The following GDAP1 variants were observed in gnomAD, a reference collection of about 807,000 sequenced individuals.
GDAP1 encodes the protein ganglioside induced differentiation associated protein 1, also known as ganglioside-induced differentiation-associated protein 1.
In GDAP1, 34 loss-of-function variants were observed where a neutral mutation model predicts 40.1. That is an observed-to-expected ratio of 0.85 (90% CI 0.64 to 1.13). The LOEUF (loss-of-function observed/expected upper bound fraction) is 1.13. Among genes scored for constraint, GDAP1 ranks in the 50% most tolerant of loss-of-function variants. GDAP1 has a pLI of 0.00. For synonymous variants in GDAP1, 170 were observed against 157.4 expected, an observed-to-expected ratio of 1.08 and a Z score of -0.60; for missense variants, 374 against 433.7, an observed-to-expected ratio of 0.86 and a Z score of 1.22.
At chr8:74,403,245 G>A (rs1017611527) in intron 2 of GDAP1, among the ~76,000 whole-genome samples, 2 of 149,914 alleles carry the variant, frequency 1.3e-5, no homozygotes, top group Non-Finnish European at 2.9e-5. Context: ...AATTGTTTAA[G>A]GTTTATTAGT....
At chr8:74,482,077 A>G (rs1177400202) in intron 2 of GDAP1, among the ~76,000 whole-genome samples, 3 of 130,310 alleles carry the variant, frequency 2.3e-5, no homozygotes, top group Admixed American at 8.1e-5. Context: ...TTTCTGTTAG[A>G]CTTCCCACAT....
At chr8:74,478,026 A>G (rs1443134411) in intron 2 of GDAP1, among the ~76,000 whole-genome samples, 1 of 150,604 alleles carries the variant, frequency 6.6e-6, no homozygotes, top group African/African-American at 2.5e-5. Context: ...AGTGGCAGTG[A>G]CTGTTCAGAG....
At chr8:74,396,076 A>G (rs1296727531) in intron 2 of GDAP1, among the ~76,000 whole-genome samples, 1 of 152,186 alleles carries the variant, frequency 6.6e-6, no homozygotes, top group Admixed American at 6.6e-5. Flanking sequence ...CTTACTGTGT[A>G]TCACAATCAA....
At position 74,360,191 on chromosome 8, in the gene GDAP1, A is replaced by G. The variant is rs757210850; in HGVS notation, c.365A>G (p.Gln122Arg). 3.7e-6 allele frequency: 6 copies of G among 1,612,902 alleles called. No individual in the cohort carries two copies. The highest frequency in any genetic ancestry group is 5.1e-6 in the Non-Finnish European group (6 of 1,178,952). The change falls in exon 3 of 6, where the codon CAA becomes CGA. Residue 122 changes from glutamine (Q) to arginine (R), a missense_variant. Coordinates refer to ENST00000220822, the MANE Select transcript of GDAP1 (RefSeq NM_018972.4). Reference sequence around the variant, plus strand: ...GAAAGCATGTATTACCCACGGGTACAACATTACCGAGAGCTGCTTGACTCC... The same window carrying G: ...GAAAGCATGTATTACCCACGGGTACGACATTACCGAGAGCTGCTTGACTCC... ...DKESMYYPRV[Q>R]HYRELLDSLP...
intron 2 of GDAP1, among the ~76,000 whole-genome samples, chr8:74,459,606 G>A (rs1241262383): frequency 6.6e-6 from 1 of 151,902 alleles, no homozygotes; most frequent in Non-Finnish European, 1.5e-5. Context: ...TACTATTTAG[G>A]GACTTTAAGC....
chr8:74,455,530 T>A (rs1215901844), intron 2 of GDAP1, among the ~76,000 whole-genome samples: 2 of 152,116 alleles, frequency 1.3e-5, no homozygotes, highest in Admixed American at 1.3e-4. Context: ...TTTCATTCAT[T>A]TAACACATAA....
At chr8:74,454,848 G>A (rs1806316541) in intron 2 of GDAP1, among the ~76,000 whole-genome samples, 1 of 151,224 alleles carries the variant, frequency 6.6e-6, no homozygotes, top group South Asian at 2.1e-4. Flanking sequence ...AAAAGAAGCT[G>A]GGATAGACAT....
At chr8:74,396,720 G>A (rs1255098097) in intron 2 of GDAP1, among the ~76,000 whole-genome samples, 1 of 152,184 alleles carries the variant, frequency 6.6e-6, no homozygotes, top group African/African-American at 2.4e-5. Context: ...ATTCCATGGT[G>A]TATATGTGCC....
intron 2 of GDAP1, among the ~76,000 whole-genome samples, chr8:74,400,470 G>A (rs1320221670): frequency 1.3e-5 from 2 of 149,650 alleles, no homozygotes; most frequent in African/African-American, 2.6e-5. Context: ...TGGGTTTCCT[G>A]AATACAGCAC....
At position 74,366,314 on chromosome 8, in the gene GDAP1, T is replaced by C. The variant is rs1317071972; in HGVS notation, c.*1947T>C. 1 of 454,528 alleles carries C rather than the reference T, an allele frequency of 2.2e-6. No individual in the cohort carries two copies. The highest frequency in any genetic ancestry group is 2.0e-5 in the African/African-American group (1 of 50,134). The allele number at this position is 454,528 out of a possible 1,614,324, so 28.2% of individuals were successfully genotyped here. On this transcript the variant is annotated 3_prime_UTR_variant, in exon 6 of 6. Transcript: ENST00000220822. ...TCGCTGTTTATCCAGTAGACTAAGA[T>C]TGAGTGTTCTTTTTGTTCAGCAACT...
intron 2 of GDAP1, among the ~76,000 whole-genome samples, chr8:74,391,121 G>T (rs1278517155): frequency 6.6e-6 from 1 of 152,084 alleles, no homozygotes. Context: ...GGGCTCCATG[G>T]GGGTGGGATC....
At chr8:74,407,406 A>T (rs565869640) in intron 2 of GDAP1, among the ~76,000 whole-genome samples, 4 of 149,914 alleles carry the variant, frequency 2.7e-5, no homozygotes, top group Non-Finnish European at 5.9e-5. Flanking sequence ...CGTGGGTACC[A>T]TCTAACTGGC....
intron 2 of GDAP1, among the ~76,000 whole-genome samples, chr8:74,433,066 C>G (rs1045463446): frequency 6.6e-6 from 1 of 152,126 alleles, no homozygotes; most frequent in Non-Finnish European, 1.5e-5. Flanking sequence ...AATCAGCTGT[C>G]CCATTTGTCT....
intron 2 of GDAP1, among the ~76,000 whole-genome samples, chr8:74,353,135 T>A (rs999839825): frequency 6.6e-6 from 1 of 152,242 alleles, no homozygotes; most frequent in Non-Finnish European, 1.5e-5. Flanking sequence ...AAATAAGTTC[T>A]GTGTCCTGCT....
Position 74,366,146 on chromosome 8 carries a change from G to T in GDAP1, c.*1779G>T, listed in dbSNP as rs886063115. On this transcript the variant is annotated 3_prime_UTR_variant, in exon 6 of 6. Coordinates refer to ENST00000220822, the MANE Select transcript of GDAP1 (RefSeq NM_018972.4). ...ATTTATATTATTCCTGAATCATAGG[G>T]AATCTTTCTAGAATGTGTTTATAAT... The T allele has an allele frequency of 1.3e-5, 6 of 452,204 alleles. No individual in the cohort carries two copies. The highest frequency in any genetic ancestry group is 1.6e-5 in the South Asian group (1 of 63,318). 28.0% of individuals were successfully genotyped at this position (452,204 alleles called of 1,614,324 possible).
intron 2 of GDAP1, among the ~76,000 whole-genome samples, chr8:74,402,386 C>G (rs563651097): frequency 6.6e-6 from 1 of 150,386 alleles, no homozygotes; most frequent in South Asian, 2.1e-4. Context: ...TCCTGGTGCA[C>G]CGTTTTTTAA....
intron 3 of GDAP1, among the ~76,000 whole-genome samples, chr8:74,360,998 C>G (rs1479293610): frequency 1.3e-5 from 2 of 152,140 alleles, no homozygotes; most frequent in Non-Finnish European, 2.9e-5. Flanking sequence ...TGATACTCAC[C>G]TTTATTATTC....
rs148019448 is a variant in GDAP1 at position 74,468,840 on chromosome 8, A to C, written c.166-19838A>C. Reference sequence around the variant, plus strand: ...GGCTGCTAACTCCAGTACGATGTTAAATCATAGTAGGCATAGTGATCATTT... The same window carrying C: ...GGCTGCTAACTCCAGTACGATGTTACATCATAGTAGGCATAGTGATCATTT... On this transcript the variant is annotated intron_variant, in intron 2 of 2. Transcript: ENST00000523640. Among the ~76,000 whole-genome samples the C allele has an allele frequency of 2.6e-5, 4 of 152,286 alleles. No homozygotes were observed. The East Asian group carries it at 7.7e-4, about 29-fold the overall frequency.
chr8:74,389,999 G>C (rs1224056921), intron 2 of GDAP1, among the ~76,000 whole-genome samples: 2 of 152,076 alleles, frequency 1.3e-5, no homozygotes, highest in African/African-American at 2.4e-5. Flanking sequence ...TACGCTTCAC[G>C]AAGTTCTCCT....
Sources: gnomAD v4.1 joint callset for allele counts (sites outside exome capture counted in the v4.1 genomes callset) on GRCh38, gnomAD v4.1.1 for gene constraint, MANE v1.5 for transcripts, NCBI Gene and HGNC (gene_info 2026-07-23, HGNC 2026-07-21) for gene names.